Variants in ILRUN observed in about 807,000 individuals in gnomAD.
ILRUN encodes the protein protein ILRUN.
In ILRUN, 3 loss-of-function variants were observed where a neutral mutation model predicts 33.8. That is an observed-to-expected ratio of 0.09 (90% CI 0.04 to 0.23). The LOEUF (loss-of-function observed/expected upper bound fraction) is 0.23. ILRUN is among the 10% of genes least tolerant of loss of function. The probability of loss-of-function intolerance (pLI) is 1.00; values close to 1 mark genes in which losing one functional copy is unlikely to be tolerated. For missense variants in ILRUN, 210 were observed against 375.1 expected, an observed-to-expected ratio of 0.56 and a Z score of 3.64; for synonymous variants, 124 against 138.9, an observed-to-expected ratio of 0.89 and a Z score of 0.75.
chr6:34,669,794 A>T (rs1043939124), intron 1 of ILRUN, among the ~76,000 whole-genome samples: 14 of 152,278 alleles, frequency 9.2e-5, no homozygotes, highest in African/African-American at 3.1e-4. Flanking sequence ...AAAATGAATG[A>T]TATACTGATA....
At chr6:34,644,797 C>A (rs1034640580) in intron 3 of ILRUN, among the ~76,000 whole-genome samples, 1 of 151,970 alleles carries the variant, frequency 6.6e-6, no homozygotes, top group African/African-American at 2.4e-5. Flanking sequence ...AAAGGTGACT[C>A]AGGCAGGGCC....
intron 1 of ILRUN, among the ~76,000 whole-genome samples, chr6:34,683,992 G>A (rs1235398068): frequency 6.6e-6 from 1 of 151,816 alleles, no homozygotes; most frequent in Non-Finnish European, 1.5e-5. Context: ...TAGAGCCCAG[G>A]GAGGCATATG....
intron 3 of ILRUN, among the ~76,000 whole-genome samples, chr6:34,608,168 A>G (rs1280454813): frequency 6.6e-6 from 1 of 152,028 alleles, no homozygotes; most frequent in Non-Finnish European, 1.5e-5. Context: ...CTGAGGCAGG[A>G]AGATCACTTG....
chr6:34,587,761 C>T lies in ILRUN; in HGVS notation c.*2804G>A, dbSNP rs536112602. The stretch of plus-strand genomic sequence containing the variant: ...AATGCCCCAAATTCAACTGTCCTCA[C>T]GGCAAAAAGAAAAAAAGCATGCACA... On this transcript the variant is annotated 3_prime_UTR_variant, in exon 5 of 5. Coordinates refer to ENST00000374023, the MANE Select transcript of ILRUN (RefSeq NM_024294.4). 4.3e-5 allele frequency: 12 copies of T among 279,638 alleles called. No homozygotes were observed. The highest frequency in any genetic ancestry group is 2.7e-4 in the Admixed American group (5 of 18,822). 17.3% of individuals were successfully genotyped at this position (279,638 alleles called of 1,614,324 possible). A position where few individuals can be genotyped will look rare whatever the true frequency, so the allele number is the denominator to read the frequency against.
intron 3 of ILRUN, among the ~76,000 whole-genome samples, chr6:34,612,847 C>G (rs546175981): frequency 6.6e-6 from 1 of 152,244 alleles, no homozygotes; most frequent in East Asian, 1.9e-4. Context: ...TCAAGACCAT[C>G]CTGGCTAACA....
At chr6:34,591,543 A>AG (rs1327289337) in intron 4 of ILRUN, among the ~76,000 whole-genome samples, 4 of 142,910 alleles carry the variant, frequency 2.8e-5, no homozygotes, top group Non-Finnish European at 4.5e-5. Context: ...TCTGTCGCCC[A>AG]GGCTGCAGTG....
chr6:34,651,069 C>T (rs1252521663), intron 2 of ILRUN, among the ~76,000 whole-genome samples: 6 of 152,152 alleles, frequency 3.9e-5, no homozygotes, highest in Non-Finnish European at 1.5e-5. Flanking sequence ...AACCTGTGCA[C>T]ATGCATGTTC....
intron 1 of ILRUN, among the ~76,000 whole-genome samples, chr6:34,658,136 G>A (rs1484334965): frequency 6.6e-6 from 1 of 152,100 alleles, no homozygotes; most frequent in East Asian, 1.9e-4. Flanking sequence ...ATCACTTGAG[G>A]TCAGGAGTTT....
At chr6:34,685,733 T>C (rs970876548) in intron 1 of ILRUN, 3 of 152,168 alleles carry the variant, frequency 2.0e-5, no homozygotes, top group Non-Finnish European at 4.4e-5. Flanking sequence ...ACACTTTTTT[T>C]CTGCCCAACT....
rs182548106 is a variant in ILRUN at position 34,666,154 on chromosome 6, T to C, written c.159-11375A>G. Among the ~76,000 whole-genome samples, 161 of 152,340 alleles carry C rather than the reference T, an allele frequency of 1.1e-3. 1 individual carries two copies. The highest frequency in any genetic ancestry group is 3.7e-3 in the African/African-American group (152 of 41,584). On this transcript the variant is annotated intron_variant, in intron 1 of 4. Coordinates refer to ENST00000374023, the MANE Select transcript of ILRUN (RefSeq NM_024294.4). ...CATGTTACCTAATACTACCAAAGAA[T>C]GCCACATGGCATTTAAACTCTGACC...
chr6:34,656,073 A>G (rs1366776146), intron 1 of ILRUN, among the ~76,000 whole-genome samples: 1 of 151,996 alleles, frequency 6.6e-6, no homozygotes, highest in East Asian at 1.9e-4. Context: ...CTCTACTAAA[A>G]AAAGTACAAA....
At chr6:34,683,463 CATATATATACACATATATATATACAT>C (rs1763432613) in intron 1 of ILRUN, among the ~76,000 whole-genome samples, 3 of 102,710 alleles carry the variant, frequency 2.9e-5, no homozygotes, top group Non-Finnish European at 5.5e-5. Context: ...CATATATATA[CATATATATACACATATATATATACAT>C]ATATATATAC....
intron 1 of ILRUN, among the ~76,000 whole-genome samples, chr6:34,683,473 C>CATATATAT (rs1174245644): frequency 0.012 from 1,211 of 97,780 alleles, 16 homozygotes; most frequent in African/African-American, 0.017. Context: ...CATATATATA[C>CATATATAT]ACATATATAT....
At chr6:34,675,005 G>A (rs1294961662) in intron 1 of ILRUN, among the ~76,000 whole-genome samples, 2 of 152,198 alleles carry the variant, frequency 1.3e-5, no homozygotes, top group African/African-American at 2.4e-5. Flanking sequence ...AACAGGCCGA[G>A]CGCAGTGGCT....
Position 34,588,229 on chromosome 6 carries a change from G to C in ILRUN, c.*2336C>G. The C allele has an allele frequency of 1.5e-5, 6 of 398,760 alleles. No homozygotes were observed. Among genetic ancestry groups the C allele is most frequent in the Non-Finnish European group, 2.2e-5 (5 of 226,138 alleles). 24.7% of individuals were successfully genotyped at this position (398,760 alleles called of 1,614,324 possible). A position where few individuals can be genotyped will look rare whatever the true frequency, so the allele number is the denominator to read the frequency against. On this transcript the variant is annotated 3_prime_UTR_variant, in exon 5 of 5. Transcript: ENST00000374023. ...GTGCACAGAAATGGTTTGTTCTTGG[G>C]AAGGGAGACAAGGTGCTTGGGACAT...
intron 3 of ILRUN, among the ~76,000 whole-genome samples, chr6:34,614,443 A>ATAT (rs775273061): frequency 0.061 from 8,146 of 133,532 alleles, 384 homozygotes; most frequent in African/African-American, 0.092. Context: ...AAAAAAAAAA[A>ATAT]ATATATATAT....
Position 34,696,543 on chromosome 6 carries a change from T to C in ILRUN, c.61A>G (p.Thr21Ala). The C allele has an allele frequency of 6.2e-7, 1 of 1,613,362 alleles. No individual in the cohort carries two copies. The highest frequency in any genetic ancestry group is 2.2e-5 in the East Asian group (1 of 44,854). Residue 21 changes from threonine (T) to alanine (A), a missense_variant, in exon 1 of 5, where the codon ACC becomes GCC. Thr to Ala is a moderately conservative substitution (Grantham distance 58, BLOSUM62 0). Transcript: ENST00000374023. ...ELMQKFSCLG[T>A]TDKDVLISEF... ...GAGATGAGCACGTCCTTGTCGGTGG[T>C]GCCCAGGCAGCTGAACTTCTGCATC...
chr6:34,667,120 A>T (rs999996682), intron 1 of ILRUN, among the ~76,000 whole-genome samples: 1 of 152,244 alleles, frequency 6.6e-6, no homozygotes, highest in African/African-American at 2.4e-5. Flanking sequence ...TCTATAGTTT[A>T]TTCTGATTCT....
At chr6:34,695,050 CAA>C (rs60744554) in intron 1 of ILRUN, among the ~76,000 whole-genome samples, 7 of 110,840 alleles carry the variant, frequency 6.3e-5, no homozygotes, top group Admixed American at 1.0e-4. Context: ...GACTCCGTCT[CAA>C]AAAAAAAAAA....
Sources: gnomAD v4.1 joint callset for allele counts (sites outside exome capture counted in the v4.1 genomes callset) on GRCh38, gnomAD v4.1.1 for gene constraint, MANE v1.5 for transcripts, NCBI Gene and HGNC (gene_info 2026-07-23, HGNC 2026-07-21) for gene names.